The following WDR26 variants were observed in gnomAD, a reference collection of about 807,000 sequenced individuals.
WDR26 encodes WD repeat domain 26.
In WDR26, 5 loss-of-function variants were observed where a neutral mutation model predicts 84.1. That is an observed-to-expected ratio of 0.06 (90% CI 0.03 to 0.13). The LOEUF (loss-of-function observed/expected upper bound fraction) is 0.13, where lower values mean the gene tolerates loss of function less well. WDR26 is among the 10% of genes least tolerant of loss of function. The pLI, the probability that WDR26 is intolerant of heterozygous loss-of-function variation, is 1.00. For missense variants in WDR26, 642 were observed against 974.9 expected (o/e 0.66, Z 4.55); for synonymous variants, 415 against 389.6 (o/e 1.07, Z -0.77).
At chr1:224,412,671 G>A (rs1357974755) in intron 6 of WDR26, among the ~76,000 whole-genome samples, 3 of 152,124 alleles carry the variant, frequency 2.0e-5, no homozygotes, top group Non-Finnish European at 4.4e-5. Context: ...CTGTCCAACA[G>A]AACTTTCTGT....
At chr1:224,431,849 A>G in intron 1 of WDR26, 68 bp from the exon 2 acceptor site, 2 of 1,265,384 alleles carry the variant, frequency 1.6e-6, no homozygotes, top group Non-Finnish European at 2.1e-6. Flanking sequence ...AAATAAACTA[A>G]TGTCCATGAA....
intron 7 of WDR26, among the ~76,000 whole-genome samples, chr1:224,406,615 A>ATTGT (rs1673574767): frequency 6.6e-6 from 1 of 152,248 alleles, no homozygotes; most frequent in African/African-American, 2.4e-5. Flanking sequence ...ATAGTTAACA[A>ATTGT]TGCGACTACT....
rs765921082 is a variant in WDR26, at chr1:224,424,556, C to T, written c.1026G>A (p.Pro342=). The T allele has an allele frequency of 4.3e-6, 7 of 1,613,920 alleles. No homozygotes were observed. The highest frequency in any genetic ancestry group is 2.2e-5 in the East Asian group (1 of 44,894). Residue 342 remains proline, a synonymous_variant, in exon 4 of 14, where the codon CCG becomes CCA. Coordinates refer to ENST00000414423, the MANE Select transcript of WDR26 (RefSeq NM_001379403.1). ...GAATGCGCTCTGTATTGTATTTCAG[C>T]GGCGTCAATTCACAGCGTAGAACTT...
At chr1:224,394,720 C>A (rs1673214649) in intron 12 of WDR26, among the ~76,000 whole-genome samples, 1 of 152,096 alleles carries the variant, frequency 6.6e-6, no homozygotes, top group African/African-American at 2.4e-5. Flanking sequence ...TGGTCTCCAT[C>A]TCCTGACCTC....
At chr1:224,401,680 A>G (rs1572169451) in intron 8 of WDR26, among the ~76,000 whole-genome samples, 1 of 122,936 alleles carries the variant, frequency 8.1e-6, no homozygotes, top group African/African-American at 3.3e-5. Context: ...TCAAAAAAAA[A>G]AAAAAAAAAG....
At chr1:224,409,118 G>A (rs1291275853) in intron 7 of WDR26, among the ~76,000 whole-genome samples, 2 of 152,000 alleles carry the variant, frequency 1.3e-5, no homozygotes, top group Non-Finnish European at 2.9e-5. Flanking sequence ...AGTATTAGGT[G>A]ACTCCATTAA....
chr1:224,411,362 A>T, intron 7 of WDR26, 65 bp downstream of exon 7: 2 of 1,495,020 alleles, frequency 1.3e-6, no homozygotes, highest in Non-Finnish European at 1.8e-6. Flanking sequence ...AAAAATATGT[A>T]ATCAATGAAT....
At chr1:224,401,671 C>CAAA (rs767368281) in intron 8 of WDR26, among the ~76,000 whole-genome samples, 91 of 49,598 alleles carry the variant, frequency 1.8e-3, no homozygotes, top group African/African-American at 9.2e-3. Flanking sequence ...GAGACTGTCT[C>CAAA]AAAAAAAAAA....
intron 9 of WDR26, among the ~76,000 whole-genome samples, chr1:224,399,674 G>A (rs1268692695): frequency 5.9e-5 from 9 of 152,134 alleles, no homozygotes; most frequent in African/African-American, 1.7e-4. Flanking sequence ...CATCTTGCAC[G>A]CAGGGAATTA....
chr1:224,405,911 T>C (rs978359412), intron 7 of WDR26, among the ~76,000 whole-genome samples: 9 of 152,134 alleles, frequency 5.9e-5, no homozygotes, highest in African/African-American at 1.7e-4. Context: ...GGAAGAGAAC[T>C]AGGATAACAA....
At chr1:224,433,606 C>CA in intron 1 of WDR26, 78 bp downstream of exon 1, 21 of 710,310 alleles carry the variant, frequency 3.0e-5, no homozygotes, top group East Asian at 4.4e-5. Flanking sequence ...CCCCTCCCCC[C>CA]TCCGCCCCTT....
Position 224,434,051 on chromosome 1 carries a change from C to T in WDR26, c.355G>A (p.Gly119Arg). 2 of 1,452,984 alleles carry T rather than the reference C, an allele frequency of 1.4e-6. No homozygotes were observed. Among genetic ancestry groups the T allele is most frequent in the Non-Finnish European group, 1.8e-6 (2 of 1,108,198 alleles). The allele number at this position is 1,452,984 out of a possible 1,614,324, so 90.0% of individuals were successfully genotyped here. Residue 119 changes from glycine (G) to arginine (R), a missense_variant, in exon 1 of 14, where the codon GGA becomes AGA. Gly to Arg is a moderately radical substitution (Grantham distance 125, BLOSUM62 -2). Coordinates refer to ENST00000414423, the MANE Select transcript of WDR26 (RefSeq NM_001379403.1). Reference sequence around the variant, plus strand: ...CCCTGGCCCCCGCCGCCCCCTCCTCCTCCACCGCCGCCGCCGCCACCTCCT... The same window carrying T: ...CCCTGGCCCCCGCCGCCCCCTCCTCTTCCACCGCCGCCGCCGCCACCTCCT...
intron 4 of WDR26, among the ~76,000 whole-genome samples, chr1:224,421,168 G>A (rs1281836488): frequency 2.0e-5 from 3 of 151,994 alleles, no homozygotes; most frequent in Admixed American, 2.0e-4. Flanking sequence ...ACCACCTTTG[G>A]GCCATTTCCT....
At chr1:224,421,517 G>C (rs1674062548) in intron 4 of WDR26, among the ~76,000 whole-genome samples, 1 of 152,218 alleles carries the variant, frequency 6.6e-6, no homozygotes, top group Non-Finnish European at 1.5e-5. Context: ...TTGAACCCAG[G>C]AGGTGGAGGT....
In WDR26 at chr1:224,404,570, C is replaced by T; in HGVS notation, c.1459G>A (p.Asp487Asn). ...TTAAGCAGTTTTAGCAGGTGTGTAT[C>T]CTGGGAGGGAAAATAAACAATTCAG... The change falls in exon 8 of 14, where the codon GAT becomes AAT. Residue 487 changes from aspartate (D) to asparagine (N), a missense_variant and splice_region_variant. This residue lies in a region of WDR26 where 351 missense variants were observed against 672.8 expected (regional missense o/e 0.52). Transcript: ENST00000414423. 1 of 1,608,982 alleles carries T rather than the reference C, an allele frequency of 6.2e-7. No individual in the cohort carries two copies. Among genetic ancestry groups the T allele is most frequent in the Admixed American group, 1.7e-5 (1 of 59,364 alleles).
In WDR26 at chr1:224,419,582, A is replaced by C; in HGVS notation, c.1098T>G (p.Arg366=). Residue 366 remains arginine (R), a synonymous_variant, in exon 5 of 14, where the codon CGT becomes CGG. Transcript: ENST00000414423. The stretch of plus-strand genomic sequence containing the variant: ...CTTTGCCTTCCCATTCTGCTTTTGC[A>C]CGTAGGTCTTCTGCATGGCTACACA... 6.2e-7 allele frequency: 1 copy of C among 1,614,054 alleles called. No individual in the cohort carries two copies. The highest frequency in any genetic ancestry group is 8.5e-7 in the Non-Finnish European group (1 of 1,179,944).
intron 4 of WDR26, among the ~76,000 whole-genome samples, chr1:224,420,731 T>C (rs2102915364): frequency 6.6e-6 from 1 of 152,348 alleles, no homozygotes; most frequent in African/African-American, 2.4e-5. Flanking sequence ...TAAGTAATTA[T>C]ACTCAAAAAC....
At chr1:224,407,833 A>AT (rs913931319) in intron 7 of WDR26, among the ~76,000 whole-genome samples, 10 of 151,940 alleles carry the variant, frequency 6.6e-5, no homozygotes, top group African/African-American at 2.4e-4. Context: ...TTTTCTTATA[A>AT]TTTTTTCAGA....
At chr1:224,395,999 A>AT (rs1673250166) in intron 12 of WDR26, among the ~76,000 whole-genome samples, 1 of 152,106 alleles carries the variant, frequency 6.6e-6, no homozygotes, top group Non-Finnish European at 1.5e-5. Context: ...ATATTTGGGG[A>AT]TTTGGAGGGT....
Sources: gnomAD v4.1 joint callset for allele counts (sites outside exome capture counted in the v4.1 genomes callset) on GRCh38, gnomAD v4.1.1 for gene constraint, gnomAD v4.1.1 regional missense constraint, MANE v1.5 for transcripts, NCBI Gene and HGNC (gene_info 2026-07-23, HGNC 2026-07-21) for gene names.